Variants in CRTC3 observed in about 807,000 individuals in gnomAD.
CRTC3 encodes the protein CREB regulated transcription coactivator 3, also known as CREB-regulated transcription coactivator 3.
In CRTC3, 26 loss-of-function variants were observed where a neutral mutation model predicts 74.5. The observed-to-expected ratio is 0.35, with a 90% CI of 0.26 to 0.48. The LOEUF (loss-of-function observed/expected upper bound fraction) is 0.48, where lower values mean the gene tolerates loss of function less well. Among genes scored for constraint, CRTC3 ranks in the 20% least tolerant of loss-of-function variants. The pLI is 0.99. For synonymous variants in CRTC3, 377 were observed against 325.8 expected (o/e 1.16, Z -1.69); for missense variants, 760 against 787.3 (o/e 0.97, Z 0.41).
rs370717318 is a variant in CRTC3 at position 90,579,893 on chromosome 15, C to T, written c.232-13743C>T. Reference sequence around the variant, plus strand: ...CTGACCTCAGGTGATCCACCCGCCTCGGCCTCCCAAAGTGCTGGGATTACA... The same window carrying T: ...CTGACCTCAGGTGATCCACCCGCCTTGGCCTCCCAAAGTGCTGGGATTACA... On this transcript the variant is annotated intron_variant, in intron 2 of 14. Transcript: ENST00000268184. 9.2e-5 allele frequency among the ~76,000 whole-genome samples: 14 copies of T among 152,224 alleles called. No individual in the cohort carries two copies. The South Asian group carries it at 1.2e-3, about 14-fold the overall frequency.
intron 2 of CRTC3, among the ~76,000 whole-genome samples, chr15:90,541,665 C>A (rs1232100121): frequency 6.6e-6 from 1 of 152,046 alleles, no homozygotes; most frequent in East Asian, 1.9e-4. Context: ...TGTCTGAGAT[C>A]CCAATTTTGT....
chr15:90,635,561 C>T (rs1409912402), intron 11 of CRTC3, among the ~76,000 whole-genome samples: 1 of 152,150 alleles, frequency 6.6e-6, no homozygotes, highest in Non-Finnish European at 1.5e-5. Context: ...AGGAGAATTG[C>T]TTGAACCCAG....
At chr15:90,604,149 A>G (rs1394326357) in intron 4 of CRTC3, 2 of 452,088 alleles carry the variant, frequency 4.4e-6, no homozygotes, top group East Asian at 7.4e-5. Context: ...CCTGTGCCTT[A>G]TGGGTTTGTA....
Position 90,541,466 on chromosome 15 carries a change from G to A in CRTC3, c.231+1329G>A, listed in dbSNP as rs575026177. Among the ~76,000 whole-genome samples the A allele has an allele frequency of 7.9e-5, 12 of 152,196 alleles. No homozygotes were observed. In the South Asian group the frequency reaches 1.2e-3, roughly 16 times the overall value. ...GAACATATTTGTACCCTATTGCACCGGAATCTTGTCTTCAATATAATGACA... is the reference window on the plus strand; with the variant it reads ...GAACATATTTGTACCCTATTGCACCAGAATCTTGTCTTCAATATAATGACA... On this transcript the variant is annotated intron_variant, in intron 2 of 14. Coordinates refer to ENST00000268184, the MANE Select transcript of CRTC3 (RefSeq NM_022769.5).
In CRTC3 at chr15:90,570,264, A is replaced by G. The variant is rs16944575; in HGVS notation, c.232-23372A>G. ...GACTCTACTTCTGTGCCTTAGTCTC[A>G]TTGCCAGTTGCCAGCCTCTGATTTC... On this transcript the variant is annotated intron_variant, in intron 2 of 14. Coordinates refer to ENST00000268184, the MANE Select transcript of CRTC3 (RefSeq NM_022769.5). 8.9e-3 allele frequency among the ~76,000 whole-genome samples: 1,358 copies of G among 152,248 alleles called. 17 individuals carry two copies. Among genetic ancestry groups the G allele is most frequent in the African/African-American group, 0.031 (1,300 of 41,534 alleles).
intron 2 of CRTC3, among the ~76,000 whole-genome samples, 186 bp from the exon 3 acceptor site, chr15:90,593,450 A>G (rs1967845845): frequency 6.6e-6 from 1 of 152,168 alleles, no homozygotes; most frequent in African/African-American, 2.4e-5. Context: ...ATTTGTCATT[A>G]TTTTATGGTT....
intron 2 of CRTC3, among the ~76,000 whole-genome samples, chr15:90,548,559 A>G (rs575845625): frequency 6.6e-6 from 1 of 152,200 alleles, no homozygotes; most frequent in Non-Finnish European, 1.5e-5. Flanking sequence ...TTTCCTTTCA[A>G]GTTTTCATAA....
intron 2 of CRTC3, among the ~76,000 whole-genome samples, chr15:90,552,564 C>A (rs1424318090): frequency 1.3e-5 from 2 of 152,026 alleles, no homozygotes; most frequent in African/African-American, 4.8e-5. Flanking sequence ...CTAGGATGAG[C>A]TGTGGTGTGA....
At chr15:90,579,406 T>C (rs1209230675) in intron 2 of CRTC3, among the ~76,000 whole-genome samples, 2 of 152,142 alleles carry the variant, frequency 1.3e-5, no homozygotes, top group African/African-American at 4.8e-5. Context: ...AAGAGGACCA[T>C]GGCCTGGAAC....
intron 3 of CRTC3, chr15:90,598,182 C>T: frequency 2.1e-6 from 1 of 475,782 alleles, no homozygotes; most frequent in Admixed American, 3.6e-5. Context: ...CCAGGCTGCC[C>T]CGACAAGGCA....
At chr15:90,624,910 A>C (rs1968777890) in intron 9 of CRTC3, 1 of 152,642 alleles carries the variant, frequency 6.6e-6, no homozygotes, top group Non-Finnish European at 1.5e-5. Flanking sequence ...AGGCTGGGAT[A>C]GCTATGTGCG....
Position 90,535,461 on chromosome 15 carries a change from G to T in CRTC3, c.133-4578G>T, listed in dbSNP as rs538184800. On this transcript the variant is annotated intron_variant, in intron 1 of 14. Coordinates refer to ENST00000268184, the MANE Select transcript of CRTC3 (RefSeq NM_022769.5). ...GTGAGAGATGCTGTATTCTCAGGGT[G>T]CTGGGTGAAAGGCTAATTGTGAGAC... Among the ~76,000 whole-genome samples the T allele has an allele frequency of 2.6e-5, 4 of 152,314 alleles. No homozygotes were observed. The South Asian group carries it at 8.3e-4, about 32-fold the overall frequency.
chr15:90,598,596 G>C (rs1369358797), intron 3 of CRTC3: 1 of 694,476 alleles, frequency 1.4e-6, no homozygotes, highest in Non-Finnish European at 2.6e-6. Flanking sequence ...CTTGGTGGAC[G>C]GTGGCCTCAC....
chr15:90,565,024 C>T (rs559864987), intron 2 of CRTC3, among the ~76,000 whole-genome samples: 1 of 152,208 alleles, frequency 6.6e-6, no homozygotes, highest in Non-Finnish European at 1.5e-5. Flanking sequence ...CTCACCGCAA[C>T]CTCTGCCTCC....
In CRTC3 at chr15:90,641,882, C is replaced by A. The variant is rs1484484212; in HGVS notation, c.1652-50C>A. On this transcript the variant is annotated intron_variant, in intron 14 of 14. Transcript: ENST00000268184. Reference sequence around the variant, plus strand: ...GCTGGGTTTGCTTAGTAGCCTGGAGCCTTCGCGCCTCCTAACCGCACTGTT... The same window carrying A: ...GCTGGGTTTGCTTAGTAGCCTGGAGACTTCGCGCCTCCTAACCGCACTGTT... 1.3e-6 allele frequency: 2 copies of A among 1,535,484 alleles called. 1 individual carries two copies. The highest frequency in any genetic ancestry group is 1.8e-6 in the Non-Finnish European group (2 of 1,112,020).
At chr15:90,551,898 C>T (rs574510485) in intron 2 of CRTC3, among the ~76,000 whole-genome samples, 4 of 148,968 alleles carry the variant, frequency 2.7e-5, no homozygotes, top group South Asian at 2.1e-4. Context: ...TGTGGTAAGG[C>T]GCGCCCTTAC....
chr15:90,545,482 C>T (rs906943366), intron 2 of CRTC3, among the ~76,000 whole-genome samples: 3 of 151,424 alleles, frequency 2.0e-5, no homozygotes, highest in Non-Finnish European at 4.4e-5. Context: ...TCACTGCTGC[C>T]TCCGCCTCCC....
At chr15:90,638,384 C>T (rs11635150) in intron 11 of CRTC3, 62 bp from the exon 12 acceptor site, 5 of 1,431,212 alleles carry the variant, frequency 3.5e-6, no homozygotes, top group Middle Eastern at 1.8e-4. Flanking sequence ...TTTCCTAATC[C>T]TAAAGGACTT....
chr15:90,638,752 C>T lies in CRTC3; in HGVS notation c.1485C>T (p.Asn495=), dbSNP rs1567198027. 6.2e-7 allele frequency: 1 copy of T among 1,614,202 alleles called. No individual in the cohort carries two copies. Among genetic ancestry groups the T allele is most frequent in the African/African-American group, 1.3e-5 (1 of 75,058 alleles). Residue 495 remains asparagine (N), a synonymous_variant, in exon 13 of 15, where the codon AAC becomes AAT. Coordinates refer to ENST00000268184, the MANE Select transcript of CRTC3 (RefSeq NM_022769.5). ...LLPAQGSSLT[N]FFPDVGFDQQ... The stretch of plus-strand genomic sequence containing the variant: ...CCCTGAAGGGCTCATCTTTGACCAA[C>T]TTCTTCCCAGATGTGGGTTTTGACC...
Sources: allele counts gnomAD v4.1 joint callset (sites outside exome capture counted in the v4.1 genomes callset), GRCh38; gene constraint gnomAD v4.1.1; transcripts MANE v1.5; gene names NCBI Gene and HGNC (gene_info 2026-07-23, HGNC 2026-07-21).